ACYP2: variants seen among roughly 807,000 people sequenced by gnomAD.
The protein encoded by ACYP2 is acylphosphatase-2.
ACYP2 carries 12 observed loss-of-function variants against 11.2 expected under a neutral mutation model. That is an observed-to-expected ratio of 1.08 (90% CI 0.69 to 1.74). The LOEUF is 1.74. Ranked by LOEUF, ACYP2 falls within the 40% of genes most tolerant of loss-of-function variation. The probability of loss-of-function intolerance (pLI) is 0.00; values close to 1 mark genes in which losing one functional copy is unlikely to be tolerated. For missense variants in ACYP2, 134 were observed against 101.9 expected (o/e 1.31, Z -1.35); for synonymous variants, 43 against 32.2 (o/e 1.33, Z -1.13).
At chr2:54,101,671 C>CAA (rs61395630) in intron 4 of ACYP2, among the ~76,000 whole-genome samples, 39 of 121,916 alleles carry the variant, frequency 3.2e-4, no homozygotes, top group African/African-American at 8.9e-4. Context: ...GAGACTGTCT[C>CAA]AAAAAAAAAA....
chr2:54,070,200 T>C (rs1372993805), intron 4 of ACYP2, among the ~76,000 whole-genome samples: 2 of 149,780 alleles, frequency 1.3e-5, no homozygotes, highest in South Asian at 2.1e-4. Context: ...AACCTGAGAG[T>C]TGGAGGTTGT....
chr2:54,270,671 A>AT (rs988218586), intron 6 of ACYP2, among the ~76,000 whole-genome samples: 13 of 152,074 alleles, frequency 8.5e-5, no homozygotes, highest in South Asian at 4.2e-4. Flanking sequence ...TTACTAACTT[A>AT]TTTTTTCCTA....
At chr2:54,056,264 G>A (rs1181312492) in intron 3 of ACYP2, among the ~76,000 whole-genome samples, 2 of 152,178 alleles carry the variant, frequency 1.3e-5, no homozygotes, top group Admixed American at 6.5e-5. Flanking sequence ...CTGATAGGCA[G>A]CAAAGAAGAT....
chr2:54,293,608 T>C (rs955170892), intron 6 of ACYP2, among the ~76,000 whole-genome samples: 1 of 152,248 alleles, frequency 6.6e-6, no homozygotes, highest in African/African-American at 2.4e-5. Flanking sequence ...CTACCATCTT[T>C]GGCAAAGGCA....
intron 2 of ACYP2, among the ~76,000 whole-genome samples, chr2:54,020,615 C>T (rs1673955757): frequency 6.6e-6 from 1 of 152,194 alleles, no homozygotes; most frequent in Non-Finnish European, 1.5e-5. Flanking sequence ...TAAACTCACT[C>T]ATTTAAGTAT....
At chr2:54,244,855 C>T (rs1369339119) in intron 6 of ACYP2, among the ~76,000 whole-genome samples, 1 of 152,088 alleles carries the variant, frequency 6.6e-6, no homozygotes, top group Non-Finnish European at 1.5e-5. Flanking sequence ...TCAGCATATC[C>T]ATAATCTCAA....
At chr2:54,178,629 G>C (rs1364449010) in intron 6 of ACYP2, among the ~76,000 whole-genome samples, 1 of 152,148 alleles carries the variant, frequency 6.6e-6, no homozygotes, top group Non-Finnish European at 1.5e-5. Flanking sequence ...GTGGATATTG[G>C]ATAATAGGCT....
chr2:53,971,233 T>G lies in ACYP2; in HGVS notation c.-125T>G. The stretch of plus-strand genomic sequence containing the variant: ...GCCTCACCGGAAACACGAGGCCGAA[T>G]TCCAAGCTATTGTCCTGCTTCGCCG... On this transcript the variant is annotated 5_prime_UTR_variant, in exon 1 of 7. Transcript: ENST00000607452. 6.4e-6 allele frequency: 1 copy of G among 157,444 alleles called. No individual in the cohort carries two copies. 9.8% of individuals were successfully genotyped at this position (157,444 alleles called of 1,614,324 possible).
intron 2 of ACYP2, chr2:54,050,931 T>G (rs1358325103): frequency 1.2e-5 from 5 of 406,918 alleles, no homozygotes; most frequent in Non-Finnish European, 2.2e-5. Context: ...TGCACCCAAC[T>G]AATTAAATTT....
At chr2:54,008,907 C>G (rs1673211579) in intron 2 of ACYP2, among the ~76,000 whole-genome samples, 1 of 152,092 alleles carries the variant, frequency 6.6e-6, no homozygotes, top group Admixed American at 6.6e-5. Flanking sequence ...AATCCCAGCA[C>G]TTTCCGAGGC....
Position 54,263,647 on chromosome 2 carries a change from T to C in ACYP2, c.405-41041T>C, listed in dbSNP as rs62139257. On this transcript the variant is annotated intron_variant, in intron 6 of 6. Transcript: ENST00000607452. ...CGAAAAAAAAGCTTTGGGTTGTCCA[T>C]TGATATTTTCTCTTTCCTTTGGAGG... is the stretch of plus-strand genomic sequence containing the variant. 4.2e-3 allele frequency among the ~76,000 whole-genome samples: 646 copies of C among 152,306 alleles called. 3 individuals are homozygous for C. Among genetic ancestry groups the C allele is most frequent in the Non-Finnish European group, 7.1e-3 (483 of 68,022 alleles).
intron 4 of ACYP2, 58 bp from the exon 2 acceptor site, chr2:54,135,395 C>T (rs2103775477): frequency 6.5e-7 from 1 of 1,542,270 alleles, no homozygotes; most frequent in Non-Finnish European, 8.9e-7. Flanking sequence ...AGTCAGGAAA[C>T]ATATAACCTT....
intron 6 of ACYP2, among the ~76,000 whole-genome samples, chr2:54,272,705 T>A (rs1240678192): frequency 6.6e-6 from 1 of 152,214 alleles, no homozygotes; most frequent in African/African-American, 2.4e-5. Flanking sequence ...ATACAAATTC[T>A]CACAGAGGCT....
intron 6 of ACYP2, among the ~76,000 whole-genome samples, chr2:54,160,527 T>C (rs1334491226): frequency 6.6e-6 from 1 of 152,206 alleles, no homozygotes; most frequent in Non-Finnish European, 1.5e-5. Flanking sequence ...CCTTTTCTTC[T>C]TTGAATTCCC....
At chr2:54,116,683 C>T (rs1024988529) in intron 4 of ACYP2, among the ~76,000 whole-genome samples, 2 of 152,154 alleles carry the variant, frequency 1.3e-5, no homozygotes, top group African/African-American at 4.8e-5. Flanking sequence ...AGAATTTTCT[C>T]AGCAAGGCAA....
At chr2:54,062,484 C>T (rs1167363828) in intron 4 of ACYP2, among the ~76,000 whole-genome samples, 1 of 152,122 alleles carries the variant, frequency 6.6e-6, no homozygotes, top group Non-Finnish European at 1.5e-5. Context: ...AATCTGGTTC[C>T]ACTTTTACTT....
At chr2:54,136,453 A>G (rs972849409) in intron 5 of ACYP2, among the ~76,000 whole-genome samples, 2 of 152,138 alleles carry the variant, frequency 1.3e-5, no homozygotes, top group African/African-American at 4.8e-5. Flanking sequence ...GAGGGTTCCA[A>G]TATTTTCCCA....
At chr2:54,012,834 G>T (rs1351205187) in intron 2 of ACYP2, among the ~76,000 whole-genome samples, 1 of 152,050 alleles carries the variant, frequency 6.6e-6, no homozygotes, top group Non-Finnish European at 1.5e-5. Context: ...CTTGGCGCTG[G>T]AGTGGCTTCC....
At chr2:54,287,871 G>A (rs1354740069) in intron 6 of ACYP2, among the ~76,000 whole-genome samples, 1 of 151,990 alleles carries the variant, frequency 6.6e-6, no homozygotes, top group East Asian at 1.9e-4. Flanking sequence ...AACAGTGTTT[G>A]TTATTTCTAG....
Sources: allele counts gnomAD v4.1 joint callset (sites outside exome capture counted in the v4.1 genomes callset), GRCh38; gene constraint gnomAD v4.1.1; transcripts MANE v1.5; gene names NCBI Gene and HGNC (gene_info 2026-07-23, HGNC 2026-07-21).